CADM1: variants seen among roughly 807,000 people sequenced by gnomAD.
CADM1 encodes TSLC-1.
Under a neutral mutation model 53.1 loss-of-function variants are expected in CADM1, and 15 were observed. The observed-to-expected ratio is 0.28, with a 90% CI of 0.19 to 0.44. CADM1 has a LOEUF of 0.44. Among genes scored for constraint, CADM1 ranks in the 20% least tolerant of loss-of-function variants. The probability of loss-of-function intolerance (pLI) is 1.00; values close to 1 mark genes in which losing one functional copy is unlikely to be tolerated. For synonymous variants in CADM1, 281 were observed against 243.0 expected (o/e 1.16, Z -1.45); for missense variants, 434 against 611.3 (o/e 0.71, Z 3.06).
chr11:115,390,936 T>C (rs1946821498), intron 1 of CADM1, among the ~76,000 whole-genome samples: 1 of 152,228 alleles, frequency 6.6e-6, no homozygotes. Context: ...AAACACTTCA[T>C]TTAAAACTTA....
At chr11:115,468,963 C>A (rs778399165) in intron 1 of CADM1, among the ~76,000 whole-genome samples, 37 of 152,242 alleles carry the variant, frequency 2.4e-4, no homozygotes, top group Non-Finnish European at 3.8e-4. Context: ...CATCAGATGT[C>A]ATGAGATTTA....
At chr11:115,229,673 T>C (rs1296168298) in intron 4 of CADM1, among the ~76,000 whole-genome samples, 1 of 152,210 alleles carries the variant, frequency 6.6e-6, no homozygotes, top group African/African-American at 2.4e-5. Context: ...ACTTGAAATA[T>C]TGACTAGGCT....
At chr11:115,183,377 A>C (rs569109387) in intron 10 of CADM1, among the ~76,000 whole-genome samples, 61 of 152,308 alleles carry the variant, frequency 4.0e-4, no homozygotes, top group African/African-American at 1.4e-3. Flanking sequence ...CGCCATGCAA[A>C]TGCCATAATC....
chr11:115,316,190 T>TG (rs1467422125), intron 1 of CADM1, among the ~76,000 whole-genome samples: 1 of 152,208 alleles, frequency 6.6e-6, no homozygotes, highest in African/African-American at 2.4e-5. Flanking sequence ...TATTTGGCTT[T>TG]GGGGGACTCA....
At chr11:115,478,376 GT>G (rs1244482897) in intron 1 of CADM1, among the ~76,000 whole-genome samples, 1 of 151,976 alleles carries the variant, frequency 6.6e-6, no homozygotes, top group Non-Finnish European at 1.5e-5. Context: ...AAAAAAAGGG[GT>G]AAATATCTAG....
intron 1 of CADM1, among the ~76,000 whole-genome samples, chr11:115,344,306 C>T (rs1303349838): frequency 2.0e-5 from 3 of 152,118 alleles, no homozygotes; most frequent in Admixed American, 6.5e-5. Flanking sequence ...CAGTCCCAAA[C>T]TTCAATGTCA....
At chr11:115,369,286 C>T (rs938869137) in intron 1 of CADM1, among the ~76,000 whole-genome samples, 1 of 152,046 alleles carries the variant, frequency 6.6e-6, no homozygotes, top group Non-Finnish European at 1.5e-5. Flanking sequence ...CTTATGGCAC[C>T]TTCTTTGAAA....
chr11:115,176,316 T>G lies in CADM1; in HGVS notation c.*158A>C. 1 of 1,500,892 alleles carries G rather than the reference T, an allele frequency of 6.7e-7. No individual in the cohort carries two copies. Among genetic ancestry groups the G allele is most frequent in the South Asian group, 1.3e-5 (1 of 79,648 alleles). The allele number at this position is 1,500,892 out of a possible 1,614,324, so 93.0% of individuals were successfully genotyped here. The stretch of plus-strand genomic sequence containing the variant: ...AGAGTGTACTTTCCAAAGAACATTT[T>G]TTTTTTTTTTACACAGCAAATCCCA... On this transcript the variant is annotated 3_prime_UTR_variant, in exon 12 of 12. Coordinates refer to ENST00000331581, the MANE Select transcript of CADM1 (RefSeq NM_001301043.2).
At chr11:115,442,459 GA>G (rs1488430113) in intron 1 of CADM1, among the ~76,000 whole-genome samples, 1 of 152,094 alleles carries the variant, frequency 6.6e-6, no homozygotes, top group Admixed American at 6.6e-5. Context: ...CGAATAGACA[GA>G]AAATCATCAT....
At chr11:115,239,415 A>G (rs1315405234) in intron 2 of CADM1, among the ~76,000 whole-genome samples, 1 of 152,232 alleles carries the variant, frequency 6.6e-6, no homozygotes, top group East Asian at 1.9e-4. Context: ...GCAGGAAATC[A>G]AAATCACTGC....
At chr11:115,204,691 A>C (rs1217158236) in intron 8 of CADM1, among the ~76,000 whole-genome samples, 1 of 152,230 alleles carries the variant, frequency 6.6e-6, no homozygotes, top group Non-Finnish European at 1.5e-5. Flanking sequence ...CTAAGGAACT[A>C]AAAACATGTG....
At chr11:115,466,123 TCCA>T (rs1346526570) in intron 1 of CADM1, among the ~76,000 whole-genome samples, 1 of 152,126 alleles carries the variant, frequency 6.6e-6, no homozygotes, top group Admixed American at 6.6e-5. Context: ...AAAAAAAACT[TCCA>T]CCATTTCCCC....
chr11:115,282,762 C>A (rs1395935662), intron 1 of CADM1, among the ~76,000 whole-genome samples: 2 of 152,092 alleles, frequency 1.3e-5, no homozygotes, highest in Non-Finnish European at 2.9e-5. Flanking sequence ...GTAGCTGAGA[C>A]AAGAAGGACT....
At chr11:115,229,562 C>T (rs1334157776) in intron 4 of CADM1, among the ~76,000 whole-genome samples, 6 of 152,206 alleles carry the variant, frequency 3.9e-5, no homozygotes, top group African/African-American at 1.4e-4. Flanking sequence ...TAAAACCTCC[C>T]AGAAAAAGAC....
At chr11:115,400,487 A>G (rs1363359174) in intron 1 of CADM1, among the ~76,000 whole-genome samples, 6 of 149,666 alleles carry the variant, frequency 4.0e-5, no homozygotes, top group Non-Finnish European at 8.9e-5. Flanking sequence ...ATGGAAAAAA[A>G]TTAAATTGCA....
intron 1 of CADM1, among the ~76,000 whole-genome samples, chr11:115,305,171 G>A (rs1173773518): frequency 6.6e-6 from 1 of 151,932 alleles, no homozygotes; most frequent in African/African-American, 2.4e-5. Flanking sequence ...TCAAATCAAA[G>A]CTTGACAAGT....
At chr11:115,207,146 A>C (rs568562436) in intron 8 of CADM1, among the ~76,000 whole-genome samples, 11 of 152,298 alleles carry the variant, frequency 7.2e-5, no homozygotes, top group African/African-American at 2.6e-4. Flanking sequence ...AACGAATTCT[A>C]CAATGTTGTG....
intron 1 of CADM1, among the ~76,000 whole-genome samples, chr11:115,349,352 A>G (rs927610071): frequency 6.6e-6 from 1 of 152,336 alleles, no homozygotes; most frequent in South Asian, 2.1e-4. Flanking sequence ...TCTTTATTAC[A>G]GGAAAGTATT....
In CADM1 at chr11:115,295,550, A is replaced by ATATTAT. The variant is rs371584699; in HGVS notation, c.125-55131_125-55130insATAATA. 1.9e-3 allele frequency among the ~76,000 whole-genome samples: 103 copies of ATATTAT among 52,974 alleles called. 3 individuals carry two copies. Among genetic ancestry groups the ATATTAT allele is most frequent in the African/African-American group, 4.7e-3 (35 of 7,490 alleles). 34.8% of individuals were successfully genotyped at this position (52,974 alleles called of 152,430 possible). A position where few individuals can be genotyped will look rare whatever the true frequency, so the allele number is the denominator to read the frequency against. ...TATATATATATATATATATATATAT[A>ATATTAT]ATATATATGTATATGCACATATATA... On this transcript the variant is annotated intron_variant, in intron 1 of 11. Coordinates refer to ENST00000331581, the MANE Select transcript of CADM1 (RefSeq NM_001301043.2).
Sources: allele counts gnomAD v4.1 joint callset (sites outside exome capture counted in the v4.1 genomes callset), GRCh38; gene constraint gnomAD v4.1.1; transcripts MANE v1.5; gene names NCBI Gene and HGNC (gene_info 2026-07-23, HGNC 2026-07-21).